CCDC6: variants seen among roughly 807,000 people sequenced by gnomAD.
The protein encoded by CCDC6 is coiled-coil domain-containing protein 6.
A neutral mutation model predicts 56.6 loss-of-function variants in CCDC6; 20 were observed. The ratio of observed to expected loss-of-function variants is 0.35; its 90% CI spans 0.25 to 0.51. CCDC6 has a LOEUF of 0.51. Ranked by LOEUF, CCDC6 falls within the 20% of genes least tolerant of loss-of-function variation. CCDC6 has a pLI of 0.95. For missense variants in CCDC6, 367 were observed against 601.1 expected (o/e 0.61, Z 4.07); for synonymous variants, 241 against 234.4 (o/e 1.03, Z -0.26).
intron 1 of CCDC6, among the ~76,000 whole-genome samples, chr10:59,877,909 T>C (rs2071298535): frequency 6.6e-6 from 1 of 152,266 alleles, no homozygotes. Context: ...ATCTTCACAA[T>C]GGCAAGAGCA....
At chr10:59,869,873 A>G (rs1321009424) in intron 1 of CCDC6, among the ~76,000 whole-genome samples, 1 of 152,090 alleles carries the variant, frequency 6.6e-6, no homozygotes, top group Non-Finnish European at 1.5e-5. Context: ...CCACTCCAGC[A>G]TATCTGTTCC....
intron 3 of CCDC6, among the ~76,000 whole-genome samples, chr10:59,830,602 G>A (rs965176502): frequency 6.6e-6 from 1 of 152,168 alleles, no homozygotes; most frequent in African/African-American, 2.4e-5. Context: ...TTTTATTGTG[G>A]AAATCTATTT....
intron 1 of CCDC6, among the ~76,000 whole-genome samples, chr10:59,869,979 C>T (rs1321223170): frequency 6.6e-6 from 1 of 152,166 alleles, no homozygotes; most frequent in African/African-American, 2.4e-5. Flanking sequence ...CTCAGATCCC[C>T]CTGAAGAGGC....
intron 7 of CCDC6, among the ~76,000 whole-genome samples, chr10:59,795,737 T>C (rs560148777): frequency 1.3e-5 from 2 of 151,758 alleles, no homozygotes; most frequent in Admixed American, 6.6e-5. Flanking sequence ...TTTCGTTTTT[T>C]GTCCTTGCGA....
chr10:59,906,320 A>G lies in CCDC6; in HGVS notation c.105T>C (p.Gly35=), dbSNP rs1007818176. ...CACCGCCGCCGCCTCCCCCGCCGCC[A>G]CCGCCGCCGCCCGAGGTCGACGAGC... ...SSCSSTSGGG[G]GGGGGGGGGK... The change falls in exon 1 of 9, where the codon GGT becomes GGC. Residue 35 remains glycine, a synonymous_variant. Transcript: ENST00000263102. 16 of 1,600,278 alleles carry G rather than the reference A, an allele frequency of 1.0e-5. No individual in the cohort carries two copies. The highest frequency in any genetic ancestry group is 1.4e-5 in the Non-Finnish European group (16 of 1,178,620).
intron 1 of CCDC6, among the ~76,000 whole-genome samples, chr10:59,867,595 C>A (rs2071188227): frequency 6.6e-6 from 1 of 152,258 alleles, no homozygotes; most frequent in Non-Finnish European, 1.5e-5. Flanking sequence ...ACTCTGTCAC[C>A]CAGGCTGAAG....
chr10:59,906,166 GTGCCTT>G lies in CCDC6; in HGVS notation c.253_258del (p.Lys85_Ala86del). 1 of 1,610,526 alleles carries G rather than the reference GTGCCTT, an allele frequency of 6.2e-7. No homozygotes were observed. Among genetic ancestry groups the G allele is most frequent in the Non-Finnish European group, 8.5e-7 (1 of 1,178,602 alleles). ...CGCAGGTCGCGGTTCTCCTCCTGCA[GTGCCTT>G]GCACTTCAGTTTGTAGGTCTCCAGC... is the stretch of plus-strand genomic sequence containing the variant. On this transcript the variant is annotated inframe_deletion, in exon 1 of 9. Transcript: ENST00000263102.
chr10:59,899,553 T>G (rs1288937968), intron 1 of CCDC6, among the ~76,000 whole-genome samples: 1 of 152,208 alleles, frequency 6.6e-6, no homozygotes, highest in South Asian at 2.1e-4. Context: ...TTTCAGATGC[T>G]TCCCCCATCA....
At chr10:59,863,634 A>G (rs2071152951) in intron 1 of CCDC6, among the ~76,000 whole-genome samples, 1 of 152,154 alleles carries the variant, frequency 6.6e-6, no homozygotes. Context: ...AATAAAAACC[A>G]CTGAACTGTA....
intron 2 of CCDC6, among the ~76,000 whole-genome samples, chr10:59,837,974 A>G: frequency 6.6e-6 from 1 of 152,152 alleles, no homozygotes; most frequent in East Asian, 1.9e-4. Context: ...TAATGTTATT[A>G]ATATGAGCTT....
intron 1 of CCDC6, among the ~76,000 whole-genome samples, chr10:59,903,526 C>A (rs2071519685): frequency 6.6e-6 from 1 of 151,978 alleles, no homozygotes; most frequent in African/African-American, 2.4e-5. Context: ...CAGGGTGTGG[C>A]AAAAAGGCAA....
At chr10:59,836,271 C>T (rs1397500976) in intron 2 of CCDC6, among the ~76,000 whole-genome samples, 4 of 152,096 alleles carry the variant, frequency 2.6e-5, no homozygotes, top group African/African-American at 7.2e-5. Context: ...ATTCAAGCAA[C>T]GTGGCTCCAA....
At chr10:59,832,316 T>C (rs993326222) in intron 3 of CCDC6, among the ~76,000 whole-genome samples, 1 of 152,184 alleles carries the variant, frequency 6.6e-6, no homozygotes, top group African/African-American at 2.4e-5. Context: ...TGAAACTTTA[T>C]TAATTGTGGT....
chr10:59,886,080 G>A (rs2071381430), intron 1 of CCDC6, among the ~76,000 whole-genome samples: 2 of 152,264 alleles, frequency 1.3e-5, no homozygotes, highest in Admixed American at 6.5e-5. Context: ...TCTGTGAGAT[G>A]AACAAAGAAG....
chr10:59,879,194 C>T lies in CCDC6; in HGVS notation c.304-26492G>A, dbSNP rs546531655. ...TTCAAAAGCAGTCCACACAAGGCAACCCCAGTCACTTAAGAAACCTGAAAA... is the reference window on the plus strand; with the variant it reads ...TTCAAAAGCAGTCCACACAAGGCAATCCCAGTCACTTAAGAAACCTGAAAA... On this transcript the variant is annotated intron_variant, in intron 1 of 8. Coordinates refer to ENST00000263102, the MANE Select transcript of CCDC6 (RefSeq NM_005436.5). Among the ~76,000 whole-genome samples, 101 of 152,242 alleles carry T rather than the reference C, an allele frequency of 6.6e-4. No individual in the cohort carries two copies. In the South Asian group the frequency reaches 0.02, roughly 30 times the overall value.
At chr10:59,876,634 C>G (rs2071284232) in intron 1 of CCDC6, among the ~76,000 whole-genome samples, 1 of 147,866 alleles carries the variant, frequency 6.8e-6, no homozygotes, top group Admixed American at 6.7e-5. Flanking sequence ...GCCCTGCTTC[C>G]AAACTGTCCT....
intron 1 of CCDC6, among the ~76,000 whole-genome samples, chr10:59,903,356 G>T (rs1380122340): frequency 6.6e-6 from 1 of 152,196 alleles, no homozygotes; most frequent in African/African-American, 2.4e-5. Flanking sequence ...GATGAAAGAT[G>T]TTGATGGTGG....
chr10:59,844,020 TC>T (rs1437988155), intron 2 of CCDC6, among the ~76,000 whole-genome samples: 2 of 152,168 alleles, frequency 1.3e-5, no homozygotes, highest in Non-Finnish European at 2.9e-5. Context: ...CTTGGGTGCT[TC>T]GTTCCCACCT....
intron 1 of CCDC6, among the ~76,000 whole-genome samples, chr10:59,899,016 TGA>T (rs1211846397): frequency 4.6e-5 from 7 of 152,204 alleles, no homozygotes; most frequent in Non-Finnish European, 5.9e-5. Context: ...CTACACAAAG[TGA>T]CCTTTGCAAT....
Sources: gnomAD v4.1 joint callset for allele counts (sites outside exome capture counted in the v4.1 genomes callset) on GRCh38, gnomAD v4.1.1 for gene constraint, MANE v1.5 for transcripts, NCBI Gene and HGNC (gene_info 2026-07-23, HGNC 2026-07-21) for gene names.